Variants in GABRA3 observed in about 807,000 individuals in gnomAD.
GABRA3 encodes gamma-aminobutyric acid receptor subunit alpha-3.
Under a neutral mutation model 30.1 loss-of-function variants are expected in GABRA3, and 10 were observed. The observed-to-expected ratio is 0.33, with a 90% CI of 0.20 to 0.56. The LOEUF (loss-of-function observed/expected upper bound fraction) is 0.56. Ranked by LOEUF, GABRA3 falls within the 20% of genes least tolerant of loss-of-function variation. GABRA3 has a pLI of 0.89. For missense variants in GABRA3, 233 were observed against 392.0 expected, an observed-to-expected ratio of 0.59 and a Z score of 3.42; for synonymous variants, 151 against 146.8, an observed-to-expected ratio of 1.03 and a Z score of -0.21.
At chrX:152,447,452 A>T (rs1449792653) in intron 1 of GABRA3, among the ~76,000 whole-genome samples, 1 of 111,692 alleles carries the variant, frequency 9.0e-6, no homozygotes, top group East Asian at 2.8e-4. Context: ...ATGCAGAAGA[A>T]AGCCCAAATT....
intron 5 of GABRA3, among the ~76,000 whole-genome samples, chrX:152,226,500 A>G (rs1937957722): frequency 8.9e-6 from 1 of 111,733 alleles, no homozygotes; most frequent in Non-Finnish European, 1.9e-5. Context: ...AAACACCAAA[A>G]GCAATGGCAA....
chrX:152,254,015 A>AGTT (rs891807167), intron 5 of GABRA3, among the ~76,000 whole-genome samples: 3 of 111,987 alleles, frequency 2.7e-5, no homozygotes, highest in African/African-American at 9.7e-5. Flanking sequence ...TTAGCATTTT[A>AGTT]GTTAACATAA....
intron 5 of GABRA3, among the ~76,000 whole-genome samples, chrX:152,240,052 G>T (rs373321877): frequency 3.2e-5 from 3 of 95,091 alleles, no homozygotes; most frequent in African/African-American, 4.4e-5. Context: ...GTTAGCTGGT[G>T]ATTTTGCTCG....
intron 1 of GABRA3, among the ~76,000 whole-genome samples, chrX:152,407,688 A>C (rs1478183523): frequency 3.6e-5 from 4 of 111,922 alleles, no homozygotes; most frequent in African/African-American, 9.7e-5. Flanking sequence ...AACTGTCCCC[A>C]AAAAATGCAG....
chrX:152,209,342 A>G lies in GABRA3; in HGVS notation c.635-1198T>C, dbSNP rs1370334164. Among the ~76,000 whole-genome samples the G allele has an allele frequency of 7.2e-5, 8 of 111,290 alleles. 1 individual carries two copies. In the Admixed American group the frequency reaches 7.6e-4, roughly 11 times the overall value. On this transcript the variant is annotated intron_variant, in intron 6 of 9. Coordinates refer to ENST00000370314, the MANE Select transcript of GABRA3 (RefSeq NM_000808.4). ...GAAATGAGTTGATTCCTTCCCTGAC[A>G]TGGTTAACTCTTTCCACCGTGGATT...
intron 3 of GABRA3, among the ~76,000 whole-genome samples, chrX:152,327,355 T>A (rs897493752): frequency 1.8e-5 from 2 of 110,643 alleles, no homozygotes; most frequent in Non-Finnish European, 3.8e-5. Context: ...GCGGACCTAA[T>A]AGACATCTAC....
intron 9 of GABRA3, among the ~76,000 whole-genome samples, chrX:152,173,461 T>C (rs1427694588): frequency 9.0e-6 from 1 of 111,182 alleles, no homozygotes. Flanking sequence ...ATATATATTT[T>C]TTGAGATGGA....
intron 1 of GABRA3, among the ~76,000 whole-genome samples, chrX:152,420,509 C>T (rs1262709331): frequency 9.0e-6 from 1 of 110,606 alleles, no homozygotes; most frequent in Non-Finnish European, 1.9e-5. Flanking sequence ...TCAAATAACA[C>T]TAAAAAATAA....
chrX:152,231,141 G>GTA (rs79879261), intron 5 of GABRA3, among the ~76,000 whole-genome samples: 15,727 of 102,135 alleles, frequency 0.15, 1,009 homozygotes, highest in Admixed American at 0.23. Flanking sequence ...AATGAGAAGT[G>GTA]TATATATATA....
intron 3 of GABRA3, among the ~76,000 whole-genome samples, chrX:152,335,676 T>C (rs1433747565): frequency 8.9e-6 from 1 of 112,053 alleles, no homozygotes; most frequent in East Asian, 2.8e-4. Context: ...ATATATTGCA[T>C]AGTGGTGATG....
chrX:152,212,375 G>T (rs770766837), intron 6 of GABRA3, among the ~76,000 whole-genome samples: 3 of 95,355 alleles, frequency 3.1e-5, no homozygotes, highest in Non-Finnish European at 4.1e-5. Flanking sequence ...TTGCAGTCCT[G>T]GATTTCTTGT....
intron 9 of GABRA3, among the ~76,000 whole-genome samples, chrX:152,170,686 C>T (rs1356947407): frequency 1.8e-5 from 2 of 111,754 alleles, no homozygotes; most frequent in Non-Finnish European, 3.8e-5. Context: ...CAAAGAGTTG[C>T]AGAAACTGAG....
intron 6 of GABRA3, among the ~76,000 whole-genome samples, chrX:152,220,186 G>C (rs1033842896): frequency 1.8e-5 from 2 of 111,632 alleles, no homozygotes; most frequent in Non-Finnish European, 3.8e-5. Flanking sequence ...CCAACTTCTT[G>C]TTCCTGAATC....
intron 1 of GABRA3, among the ~76,000 whole-genome samples, chrX:152,405,306 CAAAAAAAA>C (rs1182138088): frequency 5.9e-4 from 20 of 33,731 alleles, no homozygotes; most frequent in South Asian, 5.4e-3. Context: ...CGCACCCTTG[CAAAAAAAA>C]AAAAAAAAAA....
chrX:152,371,039 C>A (rs1250220224), intron 1 of GABRA3, among the ~76,000 whole-genome samples: 3 of 110,822 alleles, frequency 2.7e-5, no homozygotes, highest in African/African-American at 9.8e-5. Context: ...TCATACTGTA[C>A]TGTACCTGCC....
intron 7 of GABRA3, among the ~76,000 whole-genome samples, chrX:152,207,276 T>C (rs904095428): frequency 5.4e-5 from 6 of 111,499 alleles, no homozygotes; most frequent in African/African-American, 1.6e-4. Flanking sequence ...TATCATTTCA[T>C]AGCAAAAAAA....
intron 3 of GABRA3, among the ~76,000 whole-genome samples, chrX:152,335,735 T>C (rs764118866): frequency 4.7e-4 from 53 of 111,707 alleles, no homozygotes; most frequent in Non-Finnish European, 7.9e-4. Context: ...GATTCTTTTT[T>C]TTCAGAGACT....
chrX:152,341,341 A>C (rs1940309252), intron 3 of GABRA3, among the ~76,000 whole-genome samples: 1 of 110,749 alleles, frequency 9.0e-6, no homozygotes, highest in South Asian at 3.8e-4. Flanking sequence ...ACAAACATAT[A>C]TGTGCATGTG....
intron 3 of GABRA3, among the ~76,000 whole-genome samples, chrX:152,303,486 T>C (rs915464179): frequency 2.7e-5 from 3 of 111,648 alleles, no homozygotes; most frequent in African/African-American, 9.8e-5. Flanking sequence ...GGATTATAAA[T>C]CATTCTATTA....
Sources: allele counts gnomAD v4.1 joint callset (sites outside exome capture counted in the v4.1 genomes callset), GRCh38; gene constraint gnomAD v4.1.1; transcripts MANE v1.5; gene names NCBI Gene and HGNC (gene_info 2026-07-23, HGNC 2026-07-21).